Variants in PEBP4 observed in about 807,000 individuals in gnomAD.
PEBP4 encodes phosphatidylethanolamine binding protein 4.
In PEBP4, 22 loss-of-function variants were observed where a neutral mutation model predicts 23.9. The observed-to-expected ratio is 0.92, with a 90% confidence interval of 0.66 to 1.31. The LOEUF (loss-of-function observed/expected upper bound fraction) is 1.31. Among genes scored for constraint, PEBP4 ranks in the 40% most tolerant of loss-of-function variants. The pLI, the probability that PEBP4 is intolerant of heterozygous loss-of-function variation, is 0.00. For missense variants in PEBP4, 324 were observed against 281.7 expected, an observed-to-expected ratio of 1.15 and a Z score of -1.07; for synonymous variants, 112 against 99.3, an observed-to-expected ratio of 1.13 and a Z score of -0.76.
chr8:22,796,286 G>A lies in PEBP4; in HGVS notation c.357+21351C>T, dbSNP rs781452721. 2.1e-3 allele frequency among the ~76,000 whole-genome samples: 305 copies of A among 143,724 alleles called. 1 individual carries two copies. The highest frequency in any genetic ancestry group is 3.0e-3 in the Admixed American group (43 of 14,140). The allele number at this position is 143,724 out of a possible 152,430, so 94.3% of individuals were successfully genotyped here. ...TGTGTGTGTGTGTGTGTGTGTGTGTGTGTTTGCCTGTGTACGTGTAATTCA... is the reference window on the plus strand; with the variant it reads ...TGTGTGTGTGTGTGTGTGTGTGTGTATGTTTGCCTGTGTACGTGTAATTCA... On this transcript the variant is annotated intron_variant, in intron 4 of 6. Coordinates refer to ENST00000256404, the MANE Select transcript of PEBP4 (RefSeq NM_144962.3).
chr8:22,736,052 G>A (rs984995364), intron 4 of PEBP4, among the ~76,000 whole-genome samples: 1 of 152,172 alleles, frequency 6.6e-6, no homozygotes, highest in African/African-American at 2.4e-5. Flanking sequence ...AGCCCCTGGT[G>A]CCTCTGGGGC....
At chr8:22,915,427 A>G (rs1366874148) in intron 3 of PEBP4, among the ~76,000 whole-genome samples, 1 of 118,642 alleles carries the variant, frequency 8.4e-6, no homozygotes, top group Non-Finnish European at 1.7e-5. Flanking sequence ...CCCTCACCTC[A>G]CCATCCTGGC....
At chr8:22,760,505 G>A (rs1372157690) in intron 4 of PEBP4, among the ~76,000 whole-genome samples, 1 of 152,130 alleles carries the variant, frequency 6.6e-6, no homozygotes, top group African/African-American at 2.4e-5. Context: ...AGTGAATGAA[G>A]AGGCCATGGG....
chr8:22,801,013 C>T (rs1157211108), intron 4 of PEBP4, among the ~76,000 whole-genome samples: 1 of 152,144 alleles, frequency 6.6e-6, no homozygotes, highest in Non-Finnish European at 1.5e-5. Flanking sequence ...CCTCCCTGCC[C>T]ATCCAGCCTC....
chr8:22,819,620 T>C (rs1263494060), intron 3 of PEBP4, among the ~76,000 whole-genome samples: 1 of 152,176 alleles, frequency 6.6e-6, no homozygotes, highest in Non-Finnish European at 1.5e-5. Context: ...TTGTTTTGTT[T>C]TGTTTTTTGA....
At chr8:22,749,529 G>A (rs185026977) in intron 4 of PEBP4, among the ~76,000 whole-genome samples, 36 of 152,342 alleles carry the variant, frequency 2.4e-4, no homozygotes, top group African/African-American at 6.5e-4. Context: ...AACACAGCCT[G>A]TGGATCAGCT....
chr8:22,821,124 G>C (rs1318040316), intron 3 of PEBP4, among the ~76,000 whole-genome samples: 1 of 152,256 alleles, frequency 6.6e-6, no homozygotes, highest in East Asian at 1.9e-4. Context: ...GCCCAGGAGG[G>C]TGCAGTGAGC....
At chr8:22,753,498 C>T (rs1038911162) in intron 4 of PEBP4, among the ~76,000 whole-genome samples, 4 of 152,172 alleles carry the variant, frequency 2.6e-5, no homozygotes, top group African/African-American at 9.7e-5. Context: ...TTCTTTTAAT[C>T]TTGACAAAAT....
intron 3 of PEBP4, among the ~76,000 whole-genome samples, chr8:22,855,087 G>A (rs373930957): frequency 1.3e-5 from 2 of 151,660 alleles, no homozygotes; most frequent in South Asian, 2.1e-4. Flanking sequence ...CCTGGAAGAC[G>A]TACCATGGTC....
intron 4 of PEBP4, among the ~76,000 whole-genome samples, chr8:22,744,128 A>G (rs1193195770): frequency 6.6e-6 from 1 of 152,188 alleles, no homozygotes; most frequent in Non-Finnish European, 1.5e-5. Context: ...TCCCAATTTG[A>G]TTGTAGACAT....
At chr8:22,798,278 G>A (rs1054364725) in intron 4 of PEBP4, among the ~76,000 whole-genome samples, 16 of 152,118 alleles carry the variant, frequency 1.1e-4, no homozygotes, top group African/African-American at 3.6e-4. Flanking sequence ...CAAATTCCTA[G>A]AGAGAGATAG....
At chr8:22,732,364 T>C (rs1461698958) in intron 4 of PEBP4, among the ~76,000 whole-genome samples, 2 of 151,854 alleles carry the variant, frequency 1.3e-5, no homozygotes, top group South Asian at 2.1e-4. Flanking sequence ...TGAGAACACA[T>C]GGACACAGGG....
chr8:22,758,394 A>G (rs1012252265), intron 4 of PEBP4, among the ~76,000 whole-genome samples: 3 of 152,186 alleles, frequency 2.0e-5, no homozygotes. Context: ...TTTTGGTCAC[A>G]TGTTCTTTGT....
intron 3 of PEBP4, among the ~76,000 whole-genome samples, chr8:22,901,545 T>C (rs984630108): frequency 6.7e-6 from 1 of 148,948 alleles, no homozygotes; most frequent in African/African-American, 2.5e-5. Context: ...GCCCACCGAC[T>C]CTCCACACTG....
intron 4 of PEBP4, among the ~76,000 whole-genome samples, chr8:22,769,880 A>C (rs183969350): frequency 3.2e-4 from 48 of 152,304 alleles, no homozygotes; most frequent in African/African-American, 1.2e-3. Context: ...CCATTGCTGC[A>C]GTCATTATTT....
At chr8:22,906,612 G>A (rs1808820086) in intron 3 of PEBP4, among the ~76,000 whole-genome samples, 1 of 152,252 alleles carries the variant, frequency 6.6e-6, no homozygotes, top group Admixed American at 6.5e-5. Flanking sequence ...TCACATGGGT[G>A]GCTGAGATGA....
rs754908039 is a variant in PEBP4 at position 22,724,897 on chromosome 8, A to G, written c.463T>C (p.Tyr155His). Residue 155 changes from tyrosine to histidine, a missense_variant, in exon 6 of 7, where the codon TAT becomes CAT. Physicochemically the swap from Tyr to His is moderately conservative, Grantham distance 83. Transcript: ENST00000256404. The part of the protein sequence containing the change: ...SGFHRYQFFV[Y>H]LQEGKVISLL... ...GAGATGACTTTTCCTTCCTGAAGAT[A>G]GACAAAGAACTGGTAGCGATGGAAG... The G allele has an allele frequency of 3.1e-6, 5 of 1,614,052 alleles. No homozygotes were observed. The African/African-American group carries it at 6.7e-5, about 22-fold the overall frequency.
rs981774629 is a variant in PEBP4 at position 22,823,804 on chromosome 8, T to C, written c.259-6069A>G. Among the ~76,000 whole-genome samples the C allele has an allele frequency of 2.0e-5, 3 of 152,072 alleles. No homozygotes were observed. The South Asian group carries it at 6.2e-4, about 32-fold the overall frequency. ...ACTCTTTAAATCCATAAAAAAAGAC[T>C]AATAACTCAATAGAAAAATGGATGA... On this transcript the variant is annotated intron_variant, in intron 3 of 6. Transcript: ENST00000256404.
At chr8:22,860,214 ATG>A (rs200854930) in intron 3 of PEBP4, among the ~76,000 whole-genome samples, 1 of 144,908 alleles carries the variant, frequency 6.9e-6, no homozygotes, top group Non-Finnish European at 1.5e-5. Context: ...ATACACATAT[ATG>A]TATATATATA....
Sources: allele counts gnomAD v4.1 joint callset (sites outside exome capture counted in the v4.1 genomes callset), GRCh38; gene constraint gnomAD v4.1.1; transcripts MANE v1.5; gene names NCBI Gene and HGNC (gene_info 2026-07-23, HGNC 2026-07-21).